DNAH7: variants seen among roughly 807,000 people sequenced by gnomAD.
DNAH7 encodes the protein dynein axonemal heavy chain 7.
Under a neutral mutation model 444.6 loss-of-function variants are expected in DNAH7, and 397 were observed. The ratio of observed to expected loss-of-function variants is 0.89; its 90% CI spans 0.82 to 0.97. DNAH7 has a LOEUF of 0.97. DNAH7 is among the 50% of genes least tolerant of loss of function. The pLI is 0.00. For synonymous variants in DNAH7, 1,636 were observed against 1,624.4 expected, an observed-to-expected ratio of 1.01 and a Z score of -0.17; for missense variants, 4,902 against 4,800.8, an observed-to-expected ratio of 1.02 and a Z score of -0.62.
chr2:195,938,011 T>C (rs1434799420), intron 19 of DNAH7, among the ~76,000 whole-genome samples: 1 of 152,122 alleles, frequency 6.6e-6, no homozygotes, highest in Non-Finnish European at 1.5e-5. Context: ...ATTTTTGGTA[T>C]TTAGCCATGA....
intron 19 of DNAH7, among the ~76,000 whole-genome samples, chr2:195,950,856 A>AAAAAAC (rs1690186721): frequency 7.1e-6 from 1 of 140,198 alleles, no homozygotes; most frequent in Admixed American, 6.9e-5. Flanking sequence ...TGTCTCAAAA[A>AAAAAAC]AAAAAAAAAA....
rs565892880 is a variant in DNAH7 at position 195,888,854 on chromosome 2, G to A, written c.5174C>T (p.Pro1725Leu). Residue 1725 changes from proline to leucine, a missense_variant, in exon 32 of 65, where the codon CCA (proline) becomes CTA (leucine). Pro to Leu is a moderately conservative substitution (Grantham distance 98). Transcript: ENST00000312428. ...LMSGEIIQMS[P>L]QMNLIFEPMD... ...TGGCTCAAAAATTAGATTCATTTGT[G>A]GTGACATCTGAATAATCTCCCCACT... 6.2e-7 allele frequency: 1 copy of A among 1,613,776 alleles called. No individual in the cohort carries two copies. Among genetic ancestry groups the A allele is most frequent in the African/African-American group, 1.3e-5 (1 of 75,002 alleles).
At chr2:195,912,550 C>T (rs1687420710) in intron 24 of DNAH7, among the ~76,000 whole-genome samples, 1 of 152,148 alleles carries the variant, frequency 6.6e-6, no homozygotes, top group African/African-American at 2.4e-5. Context: ...GTGTGGTGAG[C>T]CTCAGAGGCT....
intron 63 of DNAH7, among the ~76,000 whole-genome samples, chr2:195,743,518 C>G (rs1258561591): frequency 6.6e-6 from 1 of 152,074 alleles, no homozygotes; most frequent in African/African-American, 2.4e-5. Context: ...GAGGCCCAGA[C>G]CCTAGAAACA....
At chr2:195,934,503 A>C (rs901808778) in intron 21 of DNAH7, 88 bp downstream of exon 21, 3 of 1,379,882 alleles carry the variant, frequency 2.2e-6, no homozygotes, top group Non-Finnish European at 2.0e-6. Flanking sequence ...ATTTCTGTTT[A>C]AATAACAGTA....
intron 63 of DNAH7, among the ~76,000 whole-genome samples, chr2:195,752,535 G>C (rs1178824320): frequency 6.6e-6 from 1 of 152,144 alleles, no homozygotes; most frequent in Non-Finnish European, 1.5e-5. Context: ...CATAAGCAAA[G>C]AGTTAATGTT....
intron 24 of DNAH7, among the ~76,000 whole-genome samples, chr2:195,920,877 T>A (rs1041081777): frequency 6.6e-6 from 1 of 151,784 alleles, no homozygotes; most frequent in Admixed American, 6.6e-5. Context: ...AAGAAAAAAA[T>A]AACTAATCCC....
At chr2:195,857,011 AAAAAAT>A (rs1173621173) in intron 44 of DNAH7, among the ~76,000 whole-genome samples, 1 of 152,158 alleles carries the variant, frequency 6.6e-6, no homozygotes, top group African/African-American at 2.4e-5. Flanking sequence ...GTAAATTTAT[AAAAAAT>A]AAAAATAAAT....
chr2:195,853,654 T>A (rs760524957), intron 45 of DNAH7, 126 bp from the exon 46 acceptor site: 105 of 928,360 alleles, frequency 1.1e-4, no homozygotes, highest in Non-Finnish European at 1.6e-4. Flanking sequence ...ATTTCCTATA[T>A]CACTATGATA....
chr2:196,045,319 A>C (rs150491560), intron 5 of DNAH7, among the ~76,000 whole-genome samples: 1,953 of 151,384 alleles, frequency 0.013, 32 homozygotes, highest in Non-Finnish European at 0.015. Context: ...AAAAAAGAGG[A>C]AAGAATAAAA....
intron 17 of DNAH7, among the ~76,000 whole-genome samples, chr2:195,966,852 T>C (rs200610669): frequency 1.3e-5 from 2 of 152,300 alleles, no homozygotes; most frequent in East Asian, 3.9e-4. Flanking sequence ...GTAAAGTGTG[T>C]TTCTTGAAGG....
At chr2:195,906,160 A>G (rs1212027607) in intron 27 of DNAH7, among the ~76,000 whole-genome samples, 1 of 152,136 alleles carries the variant, frequency 6.6e-6, no homozygotes, top group Admixed American at 6.6e-5. Context: ...GTAGGGGGAC[A>G]CAATCTACAG....
intron 12 of DNAH7, chr2:195,994,892 T>G: frequency 2.5e-6 from 1 of 392,234 alleles, no homozygotes; most frequent in Non-Finnish European, 4.9e-6. Flanking sequence ...TGGGCCAGCA[T>G]GTCCTCATCC....
At chr2:196,026,498 G>A (rs896154842) in intron 7 of DNAH7, among the ~76,000 whole-genome samples, 1 of 152,132 alleles carries the variant, frequency 6.6e-6, no homozygotes, top group Non-Finnish European at 1.5e-5. Context: ...AATATCTTGA[G>A]GGATTGAAAT....
intron 63 of DNAH7, among the ~76,000 whole-genome samples, chr2:195,753,357 C>G (rs918708989): frequency 1.3e-5 from 2 of 152,062 alleles, no homozygotes; most frequent in Non-Finnish European, 1.5e-5. Flanking sequence ...TGTTACAAAC[C>G]ATCTTGAGAT....
In DNAH7 at chr2:195,875,784, G is replaced by A; in HGVS notation, c.6177C>T (p.Pro2059=). 1.9e-6 allele frequency: 3 copies of A among 1,613,712 alleles called. No individual in the cohort carries two copies. Among genetic ancestry groups the A allele is most frequent in the South Asian group, 1.1e-5 (1 of 90,972 alleles). ...PAREVYGAQP[P]IELLRQWLDH... ...CTAACCACTGTCTAAGTAACTCAAT[G>A]GGAGGTTGAGCCCCATATACCTCCC... Residue 2059 remains proline (P), a synonymous_variant, in exon 38 of 65, where the codon CCC becomes CCT. Transcript: ENST00000312428.
Position 196,000,861 on chromosome 2 carries a change from T to G in DNAH7, c.1196A>C (p.His399Pro). The G allele has an allele frequency of 6.3e-7, 1 of 1,584,562 alleles. No individual in the cohort carries two copies. Among genetic ancestry groups the G allele is most frequent in the Non-Finnish European group, 8.6e-7 (1 of 1,169,094 alleles). Residue 399 changes from histidine to proline, a missense_variant, in exon 12 of 65, where the codon CAT becomes CCT. His to Pro is a moderately conservative substitution (Grantham distance 77). Coordinates refer to ENST00000312428, the MANE Select transcript of DNAH7 (RefSeq NM_018897.3). ...QPPDSVRAFE[H>P]PGFIMRLILD... ...AATCAGCCTCATGATGAAACCTGGA[T>G]GTTCAAAAGCTCTAACAGAATCCTG...
intron 35 of DNAH7, among the ~76,000 whole-genome samples, chr2:195,883,309 T>C (rs575317310): frequency 3.3e-5 from 5 of 152,010 alleles, no homozygotes; most frequent in African/African-American, 4.8e-5. Flanking sequence ...TAGCTGGGCA[T>C]GGTGGCGGGT....
chr2:195,816,333 T>C (rs1481882224), intron 51 of DNAH7, among the ~76,000 whole-genome samples: 2 of 152,226 alleles, frequency 1.3e-5, no homozygotes, highest in African/African-American at 4.8e-5. Context: ...CTACTCTTTC[T>C]ACACTTCCAT....
Sources: allele counts gnomAD v4.1 joint callset (sites outside exome capture counted in the v4.1 genomes callset), GRCh38; gene constraint gnomAD v4.1.1; transcripts MANE v1.5; gene names NCBI Gene and HGNC (gene_info 2026-07-23, HGNC 2026-07-21).